CHRM3: variants seen among roughly 807,000 people sequenced by gnomAD.
CHRM3 encodes muscarinic acetylcholine receptor M3.
A neutral mutation model predicts 41.8 loss-of-function variants in CHRM3; 11 were observed. The observed-to-expected ratio is 0.26, with a 90% CI of 0.17 to 0.44. The LOEUF (loss-of-function observed/expected upper bound fraction) is 0.44. CHRM3 is among the 20% of genes least tolerant of loss of function. CHRM3 has a pLI of 1.00. For synonymous variants in CHRM3, 297 were observed against 301.4 expected (o/e 0.99, Z 0.15); for missense variants, 571 against 745.4 (o/e 0.77, Z 2.72).
At position 239,783,249 on chromosome 1, in the gene CHRM3, A is replaced by G. The variant is rs569200044; in HGVS notation, c.-146-44003A>G. Among the ~76,000 whole-genome samples, 43 of 151,894 alleles carry G rather than the reference A, an allele frequency of 2.8e-4. No individual in the cohort carries two copies. In the South Asian group the frequency reaches 8.7e-3, roughly 31 times the overall value. On this transcript the variant is annotated intron_variant, in intron 5 of 6. Transcript: ENST00000676153. ...TTTCTTTTTTAATGGAGGATAAAAA[A>G]TATAATTTAATATAATAATTATAGT...
chr1:239,463,130 A>T (rs1453289073), intron 1 of CHRM3, among the ~76,000 whole-genome samples: 1 of 152,210 alleles, frequency 6.6e-6, no homozygotes, highest in East Asian at 1.9e-4. Flanking sequence ...GGTTTTGAGG[A>T]TGAGATGAAT....
chr1:239,606,660 C>G (rs891934440), intron 3 of CHRM3, among the ~76,000 whole-genome samples: 3 of 152,032 alleles, frequency 2.0e-5, no homozygotes, highest in Admixed American at 6.5e-5. Flanking sequence ...TTTAAGACTG[C>G]GAAGAGATCC....
At chr1:239,698,693 C>A (rs1660411812) in intron 5 of CHRM3, among the ~76,000 whole-genome samples, 1 of 152,142 alleles carries the variant, frequency 6.6e-6, no homozygotes, top group South Asian at 2.1e-4. Context: ...CATGGTCACC[C>A]AGAGTATCCA....
intron 3 of CHRM3, among the ~76,000 whole-genome samples, chr1:239,619,512 G>A (rs1668116325): frequency 6.6e-6 from 1 of 152,174 alleles, no homozygotes; most frequent in African/African-American, 2.4e-5. Flanking sequence ...TATTGTTACT[G>A]ATTCTTCATT....
At chr1:239,632,379 A>C (rs1669949231) in intron 4 of CHRM3, 93 bp downstream of exon 4, 1 of 152,206 alleles carries the variant, frequency 6.6e-6, no homozygotes, top group African/African-American at 2.4e-5. Flanking sequence ...AAGAATGTAT[A>C]AGTTGGTGTT....
At chr1:239,652,367 C>A (rs1159985920) in intron 4 of CHRM3, among the ~76,000 whole-genome samples, 1 of 152,166 alleles carries the variant, frequency 6.6e-6, no homozygotes, top group African/African-American at 2.4e-5. Flanking sequence ...ATCCCCATTC[C>A]ACCTTGAGCA....
intron 5 of CHRM3, among the ~76,000 whole-genome samples, chr1:239,787,365 C>T (rs1668984609): frequency 7.6e-6 from 1 of 131,872 alleles, no homozygotes; most frequent in Non-Finnish European, 1.7e-5. Context: ...ACTGAGGAGC[C>T]CCCAGGGCAG....
At chr1:239,639,126 T>A (rs570088710) in intron 4 of CHRM3, among the ~76,000 whole-genome samples, 257 of 152,008 alleles carry the variant, frequency 1.7e-3, no homozygotes, top group Non-Finnish European at 2.1e-3. Context: ...GATCTATATC[T>A]CTGTTTTGGT....
chr1:239,884,781 A>G (rs1677932404), intron 6 of CHRM3, among the ~76,000 whole-genome samples: 3 of 152,218 alleles, frequency 2.0e-5, no homozygotes, highest in Admixed American at 1.3e-4. Context: ...GATGTTAAAT[A>G]TTACTCTTCA....
At chr1:239,522,373 G>A (rs1242392161) in intron 2 of CHRM3, among the ~76,000 whole-genome samples, 1 of 152,174 alleles carries the variant, frequency 6.6e-6, no homozygotes, top group African/African-American at 2.4e-5. Flanking sequence ...TTGGAAGCTG[G>A]GGCCAGAGTC....
At chr1:239,497,746 CAGA>C in intron 2 of CHRM3, among the ~76,000 whole-genome samples, 1 of 152,288 alleles carries the variant, frequency 6.6e-6, no homozygotes, top group African/African-American at 2.4e-5. Context: ...TTGAGAAGAT[CAGA>C]AGGAGAAACT....
chr1:239,436,809 T>TA (rs1288713383), intron 1 of CHRM3, among the ~76,000 whole-genome samples: 1 of 152,102 alleles, frequency 6.6e-6, no homozygotes, highest in East Asian at 1.9e-4. Flanking sequence ...TTTCTACTTG[T>TA]TCTTTTCCCC....
intron 6 of CHRM3, among the ~76,000 whole-genome samples, chr1:239,882,942 G>A (rs991071982): frequency 2.6e-5 from 4 of 152,206 alleles, no homozygotes; most frequent in African/African-American, 7.2e-5. Context: ...GCCCAGGGGC[G>A]GCTCTTCGCA....
At chr1:239,641,623 T>A (rs1351440351) in intron 4 of CHRM3, among the ~76,000 whole-genome samples, 1 of 147,150 alleles carries the variant, frequency 6.8e-6, no homozygotes, top group Non-Finnish European at 1.5e-5. Flanking sequence ...GCTTGGTAGA[T>A]CTTCCTCCAT....
chr1:239,639,138 C>G (rs951158949), intron 4 of CHRM3, among the ~76,000 whole-genome samples: 3 of 151,926 alleles, frequency 2.0e-5, no homozygotes, highest in Non-Finnish European at 4.4e-5. Flanking sequence ...TGTTTTGGTA[C>G]CAGTACCATG....
chr1:239,671,547 C>T (rs1279967727), intron 4 of CHRM3, among the ~76,000 whole-genome samples: 2 of 152,172 alleles, frequency 1.3e-5, no homozygotes, highest in African/African-American at 2.4e-5. Flanking sequence ...GCACTCCAGC[C>T]TGGGTGACAG....
chr1:239,816,496 C>G (rs1572387121), intron 5 of CHRM3, among the ~76,000 whole-genome samples: 1 of 152,072 alleles, frequency 6.6e-6, no homozygotes, highest in Non-Finnish European at 1.5e-5. Context: ...GAGGCACAGG[C>G]AGAAGAGGGA....
chr1:239,866,128 A>T (rs1386950817), intron 6 of CHRM3, among the ~76,000 whole-genome samples: 2 of 152,136 alleles, frequency 1.3e-5, no homozygotes, highest in East Asian at 3.9e-4. Context: ...CTGCAATCTC[A>T]GCACTTTGGG....
chr1:239,565,558 C>T (rs887802329), intron 3 of CHRM3, among the ~76,000 whole-genome samples: 6 of 151,976 alleles, frequency 3.9e-5, no homozygotes, highest in South Asian at 2.1e-4. Context: ...TTAAATGTTT[C>T]GGCAAAAATA....
Sources: allele counts gnomAD v4.1 joint callset (sites outside exome capture counted in the v4.1 genomes callset), GRCh38; gene constraint gnomAD v4.1.1; transcripts MANE v1.5; gene names NCBI Gene and HGNC (gene_info 2026-07-23, HGNC 2026-07-21).